The following ZFHX3 variants were observed in gnomAD, a reference collection of about 807,000 sequenced individuals.
ZFHX3 encodes zinc finger homeobox protein 3.
ZFHX3 carries 42 observed loss-of-function variants against 279.1 expected under a neutral mutation model. The ratio of observed to expected loss-of-function variants is 0.15; its 90% CI spans 0.12 to 0.19. ZFHX3 has a LOEUF of 0.19. Among genes scored for constraint, ZFHX3 ranks in the 10% least tolerant of loss-of-function variants. ZFHX3 has a pLI of 1.00. For synonymous variants in ZFHX3, 2,293 were observed against 1,957.8 expected, an observed-to-expected ratio of 1.17 and a Z score of -4.52; for missense variants, 4,981 against 4,754.0, an observed-to-expected ratio of 1.05 and a Z score of -1.40.
In ZFHX3 at chr16:72,794,741, G is replaced by T. The variant is rs371411472; in HGVS notation, c.7941C>A (p.Thr2647=). ...GAATTTCTAGTTGTTCCGGTGTGAT[G>T]GTTGTTCTCAAACGCTTGTCTCTCT... ...EPQRDKRLRT[T]ITPEQLEILY... Residue 2647 remains threonine (T), a synonymous_variant, in exon 9 of 10, where the codon ACC becomes ACA. Coordinates refer to ENST00000268489, the MANE Select transcript of ZFHX3 (RefSeq NM_006885.4). This position sits in a 1 kb window ranked among gnomAD's most constrained non-coding sequence, Gnocchi z 4.2. 3.1e-6 allele frequency: 5 copies of T among 1,614,108 alleles called. No homozygotes were observed. The African/African-American group carries it at 6.7e-5, about 22-fold the overall frequency.
At chr16:72,921,070 A>C (rs2039570448) in intron 3 of ZFHX3, among the ~76,000 whole-genome samples, 2 of 80,890 alleles carry the variant, frequency 2.5e-5, no homozygotes, top group Admixed American at 2.3e-4. Flanking sequence ...AGACCTTGTC[A>C]AAAAAAAAAA....
At chr16:73,326,765 T>G (rs985851200) in intron 3 of ZFHX3, among the ~76,000 whole-genome samples, 4 of 152,204 alleles carry the variant, frequency 2.6e-5, no homozygotes, top group African/African-American at 9.6e-5. Context: ...AATTTTACGG[T>G]AAGTGAATAA....
intron 5 of ZFHX3, among the ~76,000 whole-genome samples, chr16:73,208,663 A>T (rs1180626149): frequency 6.6e-6 from 1 of 152,250 alleles, no homozygotes; most frequent in African/African-American, 2.4e-5. Flanking sequence ...AAACAGACTG[A>T]AAGTAATACA....
chr16:72,949,004 T>G (rs1315472994), intron 3 of ZFHX3, among the ~76,000 whole-genome samples: 1 of 152,202 alleles, frequency 6.6e-6, no homozygotes, highest in Admixed American at 6.5e-5. Flanking sequence ...CACTGCACCA[T>G]AGCTGAGTCC....
rs139448591 is a variant in ZFHX3 at position 73,468,556 on chromosome 16, C to G, written c.-1546-12298G>C. ...TTTGAGACCAGCCTGGCCAACATGG[C>G]GAAACCCCATCCCTCCTAAAAATAC... On this transcript the variant is annotated intron_variant, in intron 2 of 17. Transcript: ENST00000641206. Among the ~76,000 whole-genome samples, 110 of 152,148 alleles carry G rather than the reference C, an allele frequency of 7.2e-4. No individual in the cohort carries two copies. The South Asian group carries it at 0.012, about 17-fold the overall frequency.
intron 5 of ZFHX3, among the ~76,000 whole-genome samples, chr16:73,194,167 C>T (rs1177852466): frequency 6.6e-6 from 1 of 152,092 alleles, no homozygotes; most frequent in Admixed American, 6.5e-5. Context: ...GGTTTAGGAA[C>T]TTCTTTTTTA....
intron 2 of ZFHX3, among the ~76,000 whole-genome samples, chr16:73,594,920 A>G (rs1259754638): frequency 6.6e-6 from 1 of 152,176 alleles, no homozygotes; most frequent in Admixed American, 6.5e-5. Flanking sequence ...ATCTTTAACC[A>G]TGTGGGAAGC....
At chr16:72,956,444 G>A (rs61235372) in intron 2 of ZFHX3, among the ~76,000 whole-genome samples, 2,396 of 152,276 alleles carry the variant, frequency 0.016, 78 homozygotes, top group African/African-American at 0.055. Context: ...ACTATCAGAA[G>A]GTTCTCATGA....
chr16:73,088,393 T>G (rs1434497035), intron 8 of ZFHX3, among the ~76,000 whole-genome samples: 4 of 152,180 alleles, frequency 2.6e-5, no homozygotes, highest in Non-Finnish European at 4.4e-5. Context: ...GCTCAAGCGA[T>G]CCACATGCCT....
chr16:73,745,125 G>T (rs765308929), intron 1 of ZFHX3, among the ~76,000 whole-genome samples: 1 of 152,152 alleles, frequency 6.6e-6, no homozygotes, highest in South Asian at 2.1e-4. Flanking sequence ...TTTATAGGAA[G>T]GGTGGAATAT....
chr16:72,836,180 G>A (rs567695532), intron 4 of ZFHX3, among the ~76,000 whole-genome samples: 26 of 152,220 alleles, frequency 1.7e-4, no homozygotes, highest in African/African-American at 4.8e-4. Flanking sequence ...TGGCTACACC[G>A]ATGGAGGTGG....
chr16:73,271,678 C>G (rs2014149096), intron 4 of ZFHX3, among the ~76,000 whole-genome samples: 1 of 152,226 alleles, frequency 6.6e-6, no homozygotes, highest in Admixed American at 6.5e-5. Context: ...GGTTAAGTTT[C>G]TGCTGCAGGC....
chr16:73,881,490 C>G lies in ZFHX3; in HGVS notation c.-1608+10161G>C, dbSNP rs903215829. Among the ~76,000 whole-genome samples, 4 of 94,098 alleles carry G rather than the reference C, an allele frequency of 4.3e-5. 1 individual carries two copies. Among genetic ancestry groups the G allele is most frequent in the African/African-American group, 1.3e-4 (4 of 29,820 alleles). 61.7% of individuals were successfully genotyped at this position (94,098 alleles called of 152,430 possible). A position where few individuals can be genotyped will look rare whatever the true frequency, so the allele number is the denominator to read the frequency against. ...TCTCTCTCTCTCTCTGCCCCCCCCC[C>G]CCACTCTGCCCATGGTTACTGCTAC... is the stretch of plus-strand genomic sequence containing the variant. On this transcript the variant is annotated intron_variant, in intron 1 of 17. Coordinates refer to the ZFHX3 transcript ENST00000641206.
intron 2 of ZFHX3, among the ~76,000 whole-genome samples, chr16:73,470,969 T>A (rs1033952529): frequency 6.6e-6 from 1 of 152,208 alleles, no homozygotes; most frequent in Admixed American, 6.5e-5. Context: ...AGCATCTCAC[T>A]AAGAAGAACA....
intron 3 of ZFHX3, among the ~76,000 whole-genome samples, chr16:73,322,978 T>C (rs1271094538): frequency 1.3e-5 from 2 of 152,202 alleles, no homozygotes; most frequent in South Asian, 2.1e-4. Flanking sequence ...TGTTTACATA[T>C]TGTCTATGGA....
intron 2 of ZFHX3, among the ~76,000 whole-genome samples, chr16:73,644,529 C>T (rs979655271): frequency 4.6e-5 from 7 of 152,042 alleles, no homozygotes; most frequent in South Asian, 2.1e-4. Context: ...GGCCTGGTGG[C>T]GGGTGCCTGT....
intron 7 of ZFHX3, among the ~76,000 whole-genome samples, chr16:73,102,517 C>T (rs116403214): frequency 2.2e-4 from 33 of 152,280 alleles, no homozygotes; most frequent in African/African-American, 2.9e-4. Context: ...ATTTCTTAAT[C>T]GCAGGCCCAC....
chr16:73,478,371 C>T (rs969646900), intron 2 of ZFHX3, among the ~76,000 whole-genome samples: 2 of 151,948 alleles, frequency 1.3e-5, no homozygotes, highest in African/African-American at 4.8e-5. Context: ...TGATGCTCTA[C>T]CAACTGAGCT....
rs148629470 is a variant in ZFHX3, at chr16:73,715,124, T to C, written c.-1607-34884A>G. Among the ~76,000 whole-genome samples the C allele has an allele frequency of 3.2e-3, 494 of 152,302 alleles. 2 individuals are homozygous for C. Among genetic ancestry groups the C allele is most frequent in the African/African-American group, 0.012 (482 of 41,570 alleles). On this transcript the variant is annotated intron_variant, in intron 1 of 17. Transcript: ENST00000641206. ...GCTGGATGACTAGAAATTGTACTTG[T>C]GTCACATGATGGTTCTCGGCTAAAA...
Sources: gnomAD v4.1 joint callset for allele counts (sites outside exome capture counted in the v4.1 genomes callset) on GRCh38, gnomAD v4.1.1 for gene constraint, Gnocchi (gnomAD v3.1) non-coding constraint, MANE v1.5 for transcripts, NCBI Gene and HGNC (gene_info 2026-07-23, HGNC 2026-07-21) for gene names.